RBL1: variants seen among roughly 807,000 people sequenced by gnomAD.
RBL1 encodes the protein retinoblastoma-like protein 1.
RBL1 carries 82 observed loss-of-function variants against 123.0 expected under a neutral mutation model. The observed-to-expected ratio is 0.67, with a 90% CI of 0.56 to 0.80. The LOEUF is 0.80. Among genes scored for constraint, RBL1 ranks in the 30% least tolerant of loss-of-function variants. The probability of loss-of-function intolerance (pLI) is 0.00; values close to 1 mark genes in which losing one functional copy is unlikely to be tolerated. For synonymous variants in RBL1, 405 were observed against 441.3 expected (o/e 0.92, Z 1.03); for missense variants, 1,171 against 1,299.6 (o/e 0.90, Z 1.52).
At chr20:37,073,595 G>A (rs1184999137) in intron 2 of RBL1, among the ~76,000 whole-genome samples, 1 of 151,560 alleles carries the variant, frequency 6.6e-6, no homozygotes, top group Non-Finnish European at 1.5e-5. Flanking sequence ...CTACTCAAGA[G>A]GCTGAGGTGG....
At chr20:37,081,339 TA>T (rs1283652867) in intron 2 of RBL1, among the ~76,000 whole-genome samples, 1 of 152,120 alleles carries the variant, frequency 6.6e-6, no homozygotes, top group East Asian at 1.9e-4. Context: ...ATCAGCTCTA[TA>T]AAGTAAACCT....
chr20:36,996,606 C>T lies in RBL1; in HGVS notation c.*2153G>A, dbSNP rs116484776. On this transcript the variant is annotated 3_prime_UTR_variant, in exon 22 of 22. Transcript: ENST00000373664. Reference sequence around the variant, plus strand: ...TACAGGCACATGCCATCACACCCAACTAATTTTTTTATTTTTTGTAGAGAT... The same window carrying T: ...TACAGGCACATGCCATCACACCCAATTAATTTTTTTATTTTTTGTAGAGAT... 2.0e-5 allele frequency: 3 copies of T among 152,152 alleles called. No homozygotes were observed. The highest frequency in any genetic ancestry group is 7.2e-5 in the African/African-American group (3 of 41,420). The allele number at this position is 152,152 out of a possible 1,614,324, so 9.4% of individuals were successfully genotyped here. A position where few individuals can be genotyped will look rare whatever the true frequency, so the allele number is the denominator to read the frequency against.
At chr20:37,087,614 AG>A (rs1264360628) in intron 2 of RBL1, among the ~76,000 whole-genome samples, 2 of 152,174 alleles carry the variant, frequency 1.3e-5, no homozygotes, top group Non-Finnish European at 2.9e-5. Context: ...AATTAAAGAA[AG>A]GGACAAAGTG....
At chr20:37,057,120 G>A (rs2065025281) in intron 9 of RBL1, among the ~76,000 whole-genome samples, 1 of 152,020 alleles carries the variant, frequency 6.6e-6, no homozygotes, top group South Asian at 2.1e-4. Context: ...CACTTAAGGT[G>A]TTTCCACAAC....
intron 2 of RBL1, among the ~76,000 whole-genome samples, chr20:37,087,571 C>T (rs6017241): frequency 0.024 from 3,656 of 152,090 alleles, 145 homozygotes; most frequent in African/African-American, 0.084. Context: ...CTGGGCAATA[C>T]AGCAAGACTC....
chr20:36,999,476 C>T (rs531868702), intron 21 of RBL1, among the ~76,000 whole-genome samples: 1 of 150,496 alleles, frequency 6.6e-6, no homozygotes, highest in African/African-American at 2.5e-5. Flanking sequence ...CCTCTCCCTC[C>T]TCTCCCTCTC....
chr20:37,063,624 G>A (rs1236147204), intron 7 of RBL1, among the ~76,000 whole-genome samples: 1 of 151,540 alleles, frequency 6.6e-6, no homozygotes, highest in Non-Finnish European at 1.5e-5. Flanking sequence ...TGATTCTCCT[G>A]CCTCAGTCTT....
At chr20:37,081,252 T>C (rs912262321) in intron 2 of RBL1, among the ~76,000 whole-genome samples, 1 of 152,196 alleles carries the variant, frequency 6.6e-6, no homozygotes, top group African/African-American at 2.4e-5. Context: ...TTCCTAATGG[T>C]GTGAGATATT....
At chr20:37,046,124 C>T (rs1046133063) in intron 12 of RBL1, among the ~76,000 whole-genome samples, 4 of 152,188 alleles carry the variant, frequency 2.6e-5, no homozygotes, top group African/African-American at 9.7e-5. Context: ...TTCATTCACA[C>T]TGAATTAGCT....
At chr20:37,049,445 A>G in intron 11 of RBL1, 1 of 752,916 alleles carries the variant, frequency 1.3e-6, no homozygotes, top group Non-Finnish European at 2.4e-6. Flanking sequence ...TCTACTCTTC[A>G]TCTTGTGTTG....
At chr20:37,028,060 T>G (rs2064453082) in intron 16 of RBL1, among the ~76,000 whole-genome samples, 2 of 152,126 alleles carry the variant, frequency 1.3e-5, no homozygotes, top group Non-Finnish European at 2.9e-5. Flanking sequence ...TGGCCTAGAT[T>G]TATAATAAAA....
At chr20:37,068,799 A>G (rs1256658294) in intron 2 of RBL1, among the ~76,000 whole-genome samples, 2 of 152,216 alleles carry the variant, frequency 1.3e-5, no homozygotes, top group Non-Finnish European at 2.9e-5. Context: ...AACATGAAGA[A>G]ACCCCGTCTC....
intron 16 of RBL1, among the ~76,000 whole-genome samples, chr20:37,031,646 G>T (rs1213003403): frequency 3.3e-5 from 5 of 152,194 alleles, no homozygotes; most frequent in Non-Finnish European, 7.3e-5. Context: ...ATGGTACGGT[G>T]GTTCCTCAGA....
rs988679600 is a variant in RBL1, at chr20:37,089,000, T to C, written c.279A>G (p.Ser93=). ...NCVSLTRILR[S]AKLSLIQFFS... ...TCAAAGAGGTTTACCTTAATTTAGCTGAACGTAGTATTCTGGTAAGTGAAA... is the reference window on the plus strand; with the variant it reads ...TCAAAGAGGTTTACCTTAATTTAGCCGAACGTAGTATTCTGGTAAGTGAAA... Residue 93 remains serine (S), a synonymous_variant, in exon 2 of 22, where the codon TCA becomes TCG. Coordinates refer to ENST00000373664, the MANE Select transcript of RBL1 (RefSeq NM_002895.5). 7.4e-5 allele frequency: 118 copies of C among 1,588,282 alleles called. No individual in the cohort carries two copies. The highest frequency in any genetic ancestry group is 9.6e-5 in the Non-Finnish European group (112 of 1,166,624).
intron 16 of RBL1, among the ~76,000 whole-genome samples, chr20:37,031,447 C>G (rs1300702554): frequency 1.3e-5 from 2 of 152,070 alleles, no homozygotes; most frequent in Non-Finnish European, 1.5e-5. Context: ...TGAAAAGATA[C>G]TCAATATTAC....
At chr20:37,054,358 G>A (rs1280574407) in intron 11 of RBL1, among the ~76,000 whole-genome samples, 1 of 151,918 alleles carries the variant, frequency 6.6e-6, no homozygotes, top group African/African-American at 2.4e-5. Flanking sequence ...GGTGGCAGGC[G>A]CCTGTAATCC....
intron 6 of RBL1, 121 bp from the exon 7 acceptor site, chr20:37,065,594 T>C: frequency 1.6e-6 from 1 of 634,050 alleles, no homozygotes. Flanking sequence ...AATTATTAAA[T>C]ATTTCTTTCA....
At chr20:37,042,606 A>C (rs2064746782) in intron 13 of RBL1, among the ~76,000 whole-genome samples, 2 of 152,116 alleles carry the variant, frequency 1.3e-5, no homozygotes, top group South Asian at 4.1e-4. Context: ...AGCATCAATC[A>C]TAATAGCCAA....
intron 7 of RBL1, among the ~76,000 whole-genome samples, 163 bp downstream of exon 7, chr20:37,065,261 G>C (rs936722195): frequency 6.6e-6 from 1 of 152,136 alleles, no homozygotes; most frequent in Non-Finnish European, 1.5e-5. Context: ...TGTATTTAAA[G>C]CCAACAAGTC....
Sources: gnomAD v4.1 joint callset for allele counts (sites outside exome capture counted in the v4.1 genomes callset) on GRCh38, gnomAD v4.1.1 for gene constraint, MANE v1.5 for transcripts, NCBI Gene and HGNC (gene_info 2026-07-23, HGNC 2026-07-21) for gene names.